Variants in SERGEF observed in about 807,000 individuals in gnomAD.
SERGEF encodes secretion-regulating guanine nucleotide exchange factor.
SERGEF carries 51 observed loss-of-function variants against 50.0 expected under a neutral mutation model. The ratio of observed to expected loss-of-function variants is 1.02; its 90% CI spans 0.81 to 1.29. The LOEUF (loss-of-function observed/expected upper bound fraction) is 1.29, where lower values mean the gene tolerates loss of function less well. Ranked by LOEUF, SERGEF falls within the 50% of genes most tolerant of loss-of-function variation. The pLI, the probability that SERGEF is intolerant of heterozygous loss-of-function variation, is 0.00. For missense variants in SERGEF, 521 were observed against 557.0 expected (o/e 0.94, Z 0.65); for synonymous variants, 205 against 212.4 (o/e 0.97, Z 0.30).
rs1202676165 is a variant in SERGEF at position 17,959,528 on chromosome 11, C to G, written c.953G>C (p.Cys318Ser). 1 of 1,613,984 alleles carries G rather than the reference C, an allele frequency of 6.2e-7. No homozygotes were observed. The highest frequency in any genetic ancestry group is 8.5e-7 in the Non-Finnish European group (1 of 1,179,990). ...AGGCATGCTGTTCGGTGGTCTTGAACAGGGGAGAAATGAATCTTGCTTTTC... is the reference window on the plus strand; with the variant it reads ...AGGCATGCTGTTCGGTGGTCTTGAAGAGGGGAGAAATGAATCTTGCTTTTC... ...KLEKQDSFLP[C>S]SRPPNSMPSS... is the part of the protein sequence containing the mutation. Residue 318 changes from cysteine to serine, a missense_variant, in exon 9 of 11, where the codon TGT becomes TCT. By Grantham distance (112) the Cys-to-Ser change is moderately radical. Coordinates refer to ENST00000265965, the MANE Select transcript of SERGEF (RefSeq NM_012139.4).
chr11:17,976,047 T>C (rs1456299111), intron 8 of SERGEF, among the ~76,000 whole-genome samples: 3 of 152,198 alleles, frequency 2.0e-5, no homozygotes. Context: ...ATTAAGGCCC[T>C]CATTTTACAG....
intron 10 of SERGEF, among the ~76,000 whole-genome samples, chr11:17,820,162 C>T (rs1018876396): frequency 6.6e-6 from 1 of 152,014 alleles, no homozygotes; most frequent in Non-Finnish European, 1.5e-5. Context: ...CCTTTAAGTG[C>T]TATTTCCCTC....
intron 9 of SERGEF, among the ~76,000 whole-genome samples, chr11:17,954,713 T>C (rs994120551): frequency 6.6e-6 from 1 of 152,220 alleles, no homozygotes; most frequent in African/African-American, 2.4e-5. Flanking sequence ...TGCACGTGTA[T>C]ACTGAGTTCC....
At position 17,814,546 on chromosome 11, in the gene SERGEF, G is replaced by C. The variant is rs368797096; in HGVS notation, c.1049-26133C>G. ...TTAACTTATTGGGTCTGCTTCTCTG[G>C]GGAACCCTGATGAATACACATGGGA... On this transcript the variant is annotated intron_variant, in intron 10 of 10. Transcript: ENST00000265965. Among the ~76,000 whole-genome samples the C allele has an allele frequency of 1.1e-4, 16 of 152,136 alleles. No homozygotes were observed. In the East Asian group the frequency reaches 2.7e-3, roughly 26 times the overall value.
At chr11:17,906,714 C>A (rs1851849176) in intron 9 of SERGEF, among the ~76,000 whole-genome samples, 1 of 151,400 alleles carries the variant, frequency 6.6e-6, no homozygotes, top group Non-Finnish European at 1.5e-5. Flanking sequence ...GCCGGCAGTG[C>A]AGTTTGTTAC....
At chr11:17,813,080 C>T (rs367759339) in intron 10 of SERGEF, among the ~76,000 whole-genome samples, 2 of 152,224 alleles carry the variant, frequency 1.3e-5, no homozygotes, top group Admixed American at 6.5e-5. Flanking sequence ...ATCCTGGATT[C>T]AGTCCCAGCC....
intron 9 of SERGEF, among the ~76,000 whole-genome samples, chr11:17,919,560 G>A (rs1001689464): frequency 5.3e-5 from 8 of 152,074 alleles, no homozygotes; most frequent in African/African-American, 1.9e-4. Context: ...TTTGAAAAAT[G>A]GGTAGTGAAA....
At chr11:17,840,395 G>A (rs1391659369) in intron 10 of SERGEF, among the ~76,000 whole-genome samples, 1 of 152,118 alleles carries the variant, frequency 6.6e-6, no homozygotes, top group African/African-American at 2.4e-5. Context: ...TGGTGCCAGG[G>A]CTGGATGAGT....
chr11:17,827,018 C>A (rs1479710896), intron 10 of SERGEF, among the ~76,000 whole-genome samples: 2 of 152,198 alleles, frequency 1.3e-5, no homozygotes, highest in Non-Finnish European at 2.9e-5. Flanking sequence ...CACGCCGCCT[C>A]TCGTTCAAAT....
chr11:17,996,954 C>T (rs1853849190), intron 5 of SERGEF, among the ~76,000 whole-genome samples: 1 of 152,072 alleles, frequency 6.6e-6, no homozygotes, highest in African/African-American at 2.4e-5. Context: ...AGATGTAATC[C>T]CAGCATTTTG....
intron 9 of SERGEF, among the ~76,000 whole-genome samples, chr11:17,954,183 T>C (rs1852820182): frequency 6.6e-6 from 1 of 152,152 alleles, no homozygotes; most frequent in African/African-American, 2.4e-5. Flanking sequence ...CTTTTTCAGG[T>C]TGTGTTCAAT....
At chr11:17,798,455 G>A (rs1256506712) in intron 10 of SERGEF, among the ~76,000 whole-genome samples, 1 of 152,234 alleles carries the variant, frequency 6.6e-6, no homozygotes, top group East Asian at 1.9e-4. Context: ...GGGACAGGCA[G>A]AGGCCAGCCC....
intron 5 of SERGEF, among the ~76,000 whole-genome samples, chr11:17,998,622 A>G (rs1853896515): frequency 1.3e-5 from 2 of 151,104 alleles, no homozygotes; most frequent in Admixed American, 1.3e-4. Context: ...GAAATTGTTG[A>G]AACCCTAATG....
chr11:17,912,376 T>G (rs1851971738), intron 9 of SERGEF, among the ~76,000 whole-genome samples: 1 of 152,210 alleles, frequency 6.6e-6, no homozygotes, highest in African/African-American at 2.4e-5. Context: ...TGAATACCAT[T>G]TGTGGCCTAG....
At chr11:17,802,133 C>A (rs1317030790) in intron 10 of SERGEF, among the ~76,000 whole-genome samples, 3 of 152,210 alleles carry the variant, frequency 2.0e-5, no homozygotes, top group Non-Finnish European at 4.4e-5. Flanking sequence ...GAGCTCCTCT[C>A]CTGAAGCAGG....
rs1851952676 is a variant in SERGEF, at chr11:17,911,482, C to G, written c.1012-33238G>C. On this transcript the variant is annotated intron_variant, in intron 9 of 10. Coordinates refer to ENST00000265965, the MANE Select transcript of SERGEF (RefSeq NM_012139.4). ...CACTAGTAAAAATTTTTTTTTGAGACAGTCTTTCTTTGTCACCTAGGTTTT... is the reference window on the plus strand; with the variant it reads ...CACTAGTAAAAATTTTTTTTTGAGAGAGTCTTTCTTTGTCACCTAGGTTTT... Among the ~76,000 whole-genome samples the G allele has an allele frequency of 2.0e-5, 3 of 150,202 alleles. No individual in the cohort carries two copies. In the South Asian group the frequency reaches 6.3e-4, roughly 32 times the overall value.
intron 6 of SERGEF, among the ~76,000 whole-genome samples, chr11:17,993,297 G>C (rs546838463): frequency 3.9e-5 from 6 of 152,354 alleles, no homozygotes; most frequent in African/African-American, 1.4e-4. Context: ...ATATTGGATA[G>C]TAATTGGAAA....
At chr11:17,996,410 T>A (rs1853837912) in intron 5 of SERGEF, among the ~76,000 whole-genome samples, 1 of 152,158 alleles carries the variant, frequency 6.6e-6, no homozygotes, top group Non-Finnish European at 1.5e-5. Context: ...GTAGTGCCCT[T>A]TCCACGACAC....
rs1380189497 is a variant in SERGEF, at chr11:18,006,764, A to G, written c.197-18T>C. The G allele has an allele frequency of 6.2e-7, 1 of 1,613,674 alleles. No homozygotes were observed. Among genetic ancestry groups the G allele is most frequent in the Non-Finnish European group, 8.5e-7 (1 of 1,179,822 alleles). On this transcript the variant is annotated intron_variant, in intron 2 of 10. Coordinates refer to ENST00000265965, the MANE Select transcript of SERGEF (RefSeq NM_012139.4). ...TCCTCCATCTGCAAAATATAAAGGC[A>G]TCAGTGATAGCGTGCACAGGAAAAA...
Sources: gnomAD v4.1 joint callset for allele counts (sites outside exome capture counted in the v4.1 genomes callset) on GRCh38, gnomAD v4.1.1 for gene constraint, MANE v1.5 for transcripts, NCBI Gene and HGNC (gene_info 2026-07-23, HGNC 2026-07-21) for gene names.